RBFOX1: variants seen among roughly 807,000 people sequenced by gnomAD.
RBFOX1 encodes the protein RNA binding protein fox-1 homolog 1.
RBFOX1 carries 8 observed loss-of-function variants against 57.7 expected under a neutral mutation model. The observed-to-expected ratio is 0.14, with a 90% confidence interval of 0.08 to 0.25. The LOEUF (loss-of-function observed/expected upper bound fraction) is 0.25, where lower values mean the gene tolerates loss of function less well. Ranked by LOEUF, RBFOX1 falls within the 10% of genes least tolerant of loss-of-function variation. The probability of loss-of-function intolerance (pLI) is 1.00; values close to 1 mark genes in which losing one functional copy is unlikely to be tolerated. For synonymous variants in RBFOX1, 326 were observed against 222.4 expected (o/e 1.47, Z -4.15); for missense variants, 611 against 548.5 (o/e 1.11, Z -1.14).
intron 1 of RBFOX1, among the ~76,000 whole-genome samples, chr16:5,348,876 C>G (rs1411937156): frequency 2.6e-5 from 4 of 152,194 alleles, no homozygotes; most frequent in African/African-American, 9.7e-5. Context: ...CTGCACCAAA[C>G]TTGGGCATGC....
chr16:6,318,657 T>C (rs2081391822), intron 2 of RBFOX1, among the ~76,000 whole-genome samples: 1 of 152,156 alleles, frequency 6.6e-6, no homozygotes, highest in South Asian at 2.1e-4. Flanking sequence ...TAAGGGAGGC[T>C]GTGGTCCCTA....
chr16:6,688,570 C>A (rs748527426), intron 3 of RBFOX1, among the ~76,000 whole-genome samples: 1 of 152,294 alleles, frequency 6.6e-6, no homozygotes, highest in South Asian at 2.1e-4. Context: ...AGGAGTCAAA[C>A]TGAAGACTAC....
intron 3 of RBFOX1, among the ~76,000 whole-genome samples, chr16:7,036,040 C>T (rs12444783): frequency 0.49 from 74,430 of 151,594 alleles, 19,490 homozygotes; most frequent in South Asian, 0.63. Context: ...TTTGTAAAGT[C>T]ATAGAAATCA....
At position 6,788,878 on chromosome 16, in the gene RBFOX1, C is replaced by G. The variant is rs139625915; in HGVS notation, c.-16+134228C>G. Among the ~76,000 whole-genome samples the G allele has an allele frequency of 4.5e-3, 679 of 152,230 alleles. 14 individuals are homozygous for G. The highest frequency in any genetic ancestry group is 0.016 in the Admixed American group (247 of 15,292). On this transcript the variant is annotated intron_variant, in intron 3 of 15. Transcript: ENST00000550418. ...GCCTCACTTCTGAGAAATACTGTCA[C>G]TCTGTAGCTAACTCTCTGCTCTAAG...
chr16:5,633,947 C>T (rs192354458), intron 3 of RBFOX1, among the ~76,000 whole-genome samples: 3 of 152,114 alleles, frequency 2.0e-5, no homozygotes, highest in African/African-American at 7.2e-5. Context: ...TGCTCAACAT[C>T]CCTAATTATC....
chr16:7,631,213 C>G (rs1365437362), intron 11 of RBFOX1, among the ~76,000 whole-genome samples: 1 of 152,138 alleles, frequency 6.6e-6, no homozygotes, highest in Non-Finnish European at 1.5e-5. Flanking sequence ...GTGGTTCCCC[C>G]CTCATTTAAT....
At chr16:7,514,388 G>A in intron 4 of RBFOX1, among the ~76,000 whole-genome samples, 1 of 152,124 alleles carries the variant, frequency 6.6e-6, no homozygotes. Context: ...TATTCACTTG[G>A]CAAACATTTA....
intron 3 of RBFOX1, among the ~76,000 whole-genome samples, chr16:6,802,568 T>C (rs1216751657): frequency 6.6e-6 from 1 of 152,098 alleles, no homozygotes; most frequent in Non-Finnish European, 1.5e-5. Context: ...TCCCAGATAC[T>C]TGGGAGGGTG....
In RBFOX1 at chr16:6,235,566, G is replaced by A. The variant is rs144532582; in HGVS notation, c.-126-81429G>A. ...TGTGTGTGCGTGTATGTATGTGTGT[G>A]TGTGTGTGTGTGTGTGTGTGTGTGT... On this transcript the variant is annotated intron_variant, in intron 1 of 15. Coordinates refer to ENST00000550418, the MANE Select transcript of RBFOX1 (RefSeq NM_018723.4). 2.7e-4 allele frequency among the ~76,000 whole-genome samples: 6 copies of A among 22,006 alleles called. No individual in the cohort carries two copies. The East Asian group carries it at 0.014, about 51-fold the overall frequency. The allele number at this position is 22,006 out of a possible 152,430, so 14.4% of individuals were successfully genotyped here. A position where few individuals can be genotyped will look rare whatever the true frequency, so the allele number is the denominator to read the frequency against.
chr16:6,443,558 G>A (rs1567286016), intron 2 of RBFOX1, among the ~76,000 whole-genome samples: 1 of 152,154 alleles, frequency 6.6e-6, no homozygotes, highest in Non-Finnish European at 1.5e-5. Flanking sequence ...AAAATACCCA[G>A]TGTGCTCTGT....
chr16:6,150,198 A>C (rs2096787834), intron 1 of RBFOX1, among the ~76,000 whole-genome samples: 1 of 152,196 alleles, frequency 6.6e-6, no homozygotes, highest in Non-Finnish European at 1.5e-5. Flanking sequence ...TCGTGAGACC[A>C]GAGAGGGTTG....
intron 10 of RBFOX1, among the ~76,000 whole-genome samples, chr16:7,610,076 G>T (rs1456443407): frequency 1.4e-5 from 2 of 142,846 alleles, no homozygotes; most frequent in African/African-American, 5.3e-5. Flanking sequence ...TCGGCCTCCT[G>T]AAGTGCTGGG....
At chr16:6,455,472 G>A (rs966601491) in intron 2 of RBFOX1, among the ~76,000 whole-genome samples, 1 of 152,124 alleles carries the variant, frequency 6.6e-6, no homozygotes, top group Non-Finnish European at 1.5e-5. Flanking sequence ...TGAGTGGCAG[G>A]CAACATGTAA....
chr16:5,713,268 T>G (rs2051562848), intron 3 of RBFOX1, among the ~76,000 whole-genome samples: 1 of 152,172 alleles, frequency 6.6e-6, no homozygotes, highest in Admixed American at 6.5e-5. Flanking sequence ...TTTGGATTCA[T>G]CCTCGGTAAC....
intron 10 of RBFOX1, among the ~76,000 whole-genome samples, chr16:7,608,340 G>T (rs187011333): frequency 6.6e-6 from 1 of 152,208 alleles, no homozygotes; most frequent in African/African-American, 2.4e-5. Context: ...ACAACAACCA[G>T]TCTGACAAAA....
At chr16:7,113,459 C>A (rs1042891252) in intron 4 of RBFOX1, among the ~76,000 whole-genome samples, 11 of 152,154 alleles carry the variant, frequency 7.2e-5, no homozygotes, top group African/African-American at 2.4e-4. Context: ...TATCCTCCCA[C>A]TTCCCTTTCG....
At chr16:7,546,010 C>T (rs1283825662) in intron 5 of RBFOX1, among the ~76,000 whole-genome samples, 2 of 59,554 alleles carry the variant, frequency 3.4e-5, no homozygotes, top group Middle Eastern at 0.01. Context: ...TGACTCTGAG[C>T]TTATAAAAAA....
At chr16:7,139,176 C>CTCTCTCTCTCTCTG (rs372381673) in intron 4 of RBFOX1, among the ~76,000 whole-genome samples, 7 of 145,908 alleles carry the variant, frequency 4.8e-5, no homozygotes, top group African/African-American at 1.8e-4. Context: ...CAATCTCTCT[C>CTCTCTCTCTCTCTG]TGTGTGTGTG....
intron 4 of RBFOX1, among the ~76,000 whole-genome samples, chr16:7,489,398 A>G (rs2066315937): frequency 6.6e-6 from 1 of 152,212 alleles, no homozygotes; most frequent in African/African-American, 2.4e-5. Flanking sequence ...CCTAATGCCA[A>G]GTACTTTATG....
Sources: gnomAD v4.1 joint callset for allele counts (sites outside exome capture counted in the v4.1 genomes callset) on GRCh38, gnomAD v4.1.1 for gene constraint, MANE v1.5 for transcripts, NCBI Gene and HGNC (gene_info 2026-07-23, HGNC 2026-07-21) for gene names.